The following OSTF1 variants were observed in gnomAD, a reference collection of about 807,000 sequenced individuals.
OSTF1 encodes osteoclast-stimulating factor 1.
In OSTF1, 27 loss-of-function variants were observed where a neutral mutation model predicts 37.2. The ratio of observed to expected loss-of-function variants is 0.73; its 90% CI spans 0.54 to 1.00. The LOEUF is 1.00. OSTF1 is among the 50% of genes least tolerant of loss of function. OSTF1 has a pLI of 0.00. For missense variants in OSTF1, 232 were observed against 253.8 expected (o/e 0.91, Z 0.58); for synonymous variants, 82 against 89.2 (o/e 0.92, Z 0.46).
chr9:75,093,881 G>T (rs1051610823), intron 1 of OSTF1, among the ~76,000 whole-genome samples: 1 of 152,214 alleles, frequency 6.6e-6, no homozygotes, highest in Non-Finnish European at 1.5e-5. Context: ...TGATGATGAT[G>T]ATGGGAATGG....
At chr9:75,112,273 GTATTAT>G (rs1587450871) in intron 1 of OSTF1, among the ~76,000 whole-genome samples, 2 of 152,134 alleles carry the variant, frequency 1.3e-5, no homozygotes, top group South Asian at 2.1e-4. Context: ...AATTAATTCA[GTATTAT>G]TATTATTGTT....
intron 1 of OSTF1, among the ~76,000 whole-genome samples, chr9:75,090,053 T>C (rs1346166395): frequency 1.3e-5 from 2 of 152,222 alleles, no homozygotes; most frequent in Non-Finnish European, 2.9e-5. Context: ...ATGTGGAATC[T>C]GATGAGAAAT....
At chr9:75,120,434 A>G (rs957410907) in intron 2 of OSTF1, among the ~76,000 whole-genome samples, 2 of 152,104 alleles carry the variant, frequency 1.3e-5, no homozygotes, top group Non-Finnish European at 2.9e-5. Flanking sequence ...AGGGGTGGTT[A>G]GGTGCCAGCC....
chr9:75,140,796 T>C, intron 8 of OSTF1, 38 bp from the exon 9 acceptor site: 7 of 1,485,298 alleles, frequency 4.7e-6, no homozygotes, highest in Non-Finnish European at 6.6e-6. Flanking sequence ...CTATATAGTC[T>C]TCAAAGACAC....
chr9:75,088,803 G>A, intron 1 of OSTF1, 77 bp downstream of exon 1: 2 of 1,436,152 alleles, frequency 1.4e-6, no homozygotes, highest in Non-Finnish European at 1.9e-6. Context: ...GCTTGGCAGG[G>A]AGGACCCGGC....
At chr9:75,128,012 TAAA>T (rs1825687792) in intron 3 of OSTF1, among the ~76,000 whole-genome samples, 1 of 151,910 alleles carries the variant, frequency 6.6e-6, no homozygotes, top group South Asian at 2.1e-4. Flanking sequence ...CAATTTCAGA[TAAA>T]AAGTTGAAAG....
chr9:75,141,452 TTA>T (rs1249216056), intron 9 of OSTF1, among the ~76,000 whole-genome samples: 1 of 152,094 alleles, frequency 6.6e-6, no homozygotes, highest in Non-Finnish European at 1.5e-5. Flanking sequence ...ACATAATCTT[TTA>T]CCTTTATTGT....
chr9:75,112,881 C>A (rs1413938209), intron 1 of OSTF1, among the ~76,000 whole-genome samples: 1 of 152,208 alleles, frequency 6.6e-6, no homozygotes, highest in African/African-American at 2.4e-5. Flanking sequence ...CCTTGTATAA[C>A]TTCTCTTTGG....
At chr9:75,134,574 A>G (rs1489205418) in intron 7 of OSTF1, among the ~76,000 whole-genome samples, 179 bp downstream of exon 7, 2 of 152,148 alleles carry the variant, frequency 1.3e-5, no homozygotes, top group Non-Finnish European at 2.9e-5. Flanking sequence ...ACTCCTCCTC[A>G]TATGTCACTT....
rs1340244660 is a variant in OSTF1 at position 75,106,125 on chromosome 9, T to G, written c.35-11379T>G. Among the ~76,000 whole-genome samples the G allele has an allele frequency of 2.6e-5, 4 of 152,238 alleles. No individual in the cohort carries two copies. In the South Asian group the frequency reaches 6.2e-4, roughly 24 times the overall value. On this transcript the variant is annotated intron_variant, in intron 1 of 9. Coordinates refer to ENST00000346234, the MANE Select transcript of OSTF1 (RefSeq NM_012383.5). ...AGGGGAAGTGGTGGGGAAGAGGTGG[T>G]GTTAGAGAGAGGAGGGATGGAAATG...
Position 75,146,728 on chromosome 9 carries a change from A to T in OSTF1, c.632A>T (p.Glu211Val). The change falls in exon 10 of 10, where the codon GAA becomes GTA. Residue 211 changes from glutamate (E) to valine (V), a missense_variant. Glu to Val is a moderately radical substitution (Grantham distance 121, BLOSUM62 -2). Transcript: ENST00000346234. ...AATGCCGAGGACTATCTCGATGATG[A>T]AGACTCAGATTAATTCCTTTCTGGA... ...LSNAEDYLDDEDSD is the reference protein window; with the variant it reads ...LSNAEDYLDDVDSD The T allele has an allele frequency of 6.2e-7, 1 of 1,607,530 alleles. No individual in the cohort carries two copies. The highest frequency in any genetic ancestry group is 1.1e-5 in the South Asian group (1 of 90,238).
chr9:75,089,646 A>G (rs1452905420), intron 1 of OSTF1, among the ~76,000 whole-genome samples: 2 of 152,216 alleles, frequency 1.3e-5, no homozygotes, highest in African/African-American at 4.8e-5. Flanking sequence ...GTAGGTAATT[A>G]AGGGAAATAC....
At chr9:75,109,341 A>G (rs1825345346) in intron 1 of OSTF1, among the ~76,000 whole-genome samples, 1 of 152,220 alleles carries the variant, frequency 6.6e-6, no homozygotes, top group Admixed American at 6.5e-5. Context: ...GTATCCCAGT[A>G]GTTCATTCTG....
At chr9:75,118,797 A>G (rs905917501) in intron 2 of OSTF1, among the ~76,000 whole-genome samples, 20 of 152,324 alleles carry the variant, frequency 1.3e-4, no homozygotes, top group Admixed American at 1.0e-3. Context: ...CACGAGAACA[A>G]TATGGGGGAA....
At chr9:75,118,494 T>G (rs1394932128) in intron 2 of OSTF1, among the ~76,000 whole-genome samples, 1 of 152,092 alleles carries the variant, frequency 6.6e-6, no homozygotes, top group Non-Finnish European at 1.5e-5. Flanking sequence ...TAGATGGTTT[T>G]GATACAGGAG....
intron 1 of OSTF1, among the ~76,000 whole-genome samples, chr9:75,095,045 C>T (rs1241137794): frequency 6.6e-6 from 1 of 152,084 alleles, no homozygotes; most frequent in African/African-American, 2.4e-5. Flanking sequence ...AACAAACAAA[C>T]AATACAACAC....
In OSTF1 at chr9:75,146,729, A is replaced by G. The variant is rs1263052367; in HGVS notation, c.633A>G (p.Glu211=). 3 of 1,607,056 alleles carry G rather than the reference A, an allele frequency of 1.9e-6. No homozygotes were observed. Among genetic ancestry groups the G allele is most frequent in the Non-Finnish European group, 2.6e-6 (3 of 1,175,174 alleles). Residue 211 remains glutamate, a synonymous_variant, in exon 10 of 10, where the codon GAA becomes GAG. Coordinates refer to ENST00000346234, the MANE Select transcript of OSTF1 (RefSeq NM_012383.5). ...LSNAEDYLDD[E]DSD ...ATGCCGAGGACTATCTCGATGATGAAGACTCAGATTAATTCCTTTCTGGAG... is the reference window on the plus strand; with the variant it reads ...ATGCCGAGGACTATCTCGATGATGAGGACTCAGATTAATTCCTTTCTGGAG...
intron 1 of OSTF1, among the ~76,000 whole-genome samples, chr9:75,097,957 A>G (rs1169753516): frequency 6.6e-6 from 1 of 151,504 alleles, no homozygotes; most frequent in Non-Finnish European, 1.5e-5. Flanking sequence ...TCCTGGGCTC[A>G]AGTGATCCTC....
chr9:75,112,390 T>C (rs1243678041), intron 1 of OSTF1, among the ~76,000 whole-genome samples: 3 of 152,226 alleles, frequency 2.0e-5, no homozygotes, highest in Non-Finnish European at 4.4e-5. Flanking sequence ...GCTATTTCTA[T>C]TGCCTTCTTT....
Sources: gnomAD v4.1 joint callset for allele counts (sites outside exome capture counted in the v4.1 genomes callset) on GRCh38, gnomAD v4.1.1 for gene constraint, MANE v1.5 for transcripts, NCBI Gene and HGNC (gene_info 2026-07-23, HGNC 2026-07-21) for gene names.